The following ACE variants were observed in gnomAD, a reference collection of about 807,000 sequenced individuals.
ACE encodes the protein angiotensin-converting enzyme.
ACE carries 122 observed loss-of-function variants against 162.3 expected under a neutral mutation model. The ratio of observed to expected loss-of-function variants is 0.75; its 90% confidence interval spans 0.65 to 0.87. ACE has a LOEUF of 0.87. ACE is among the 40% of genes least tolerant of loss of function. ACE has a pLI of 0.00. For synonymous variants in ACE, 796 were observed against 720.6 expected (o/e 1.10, Z -1.68); for missense variants, 1,799 against 1,735.1 (o/e 1.04, Z -0.65).
intron 1 of ACE, chr17:63,477,613 C>A (rs1333245777): frequency 7.5e-6 from 3 of 397,640 alleles, no homozygotes; most frequent in Non-Finnish European, 1.3e-5. Flanking sequence ...CTGGGGCCCC[C>A]GCGCTCTCGG....
Position 63,497,187 on chromosome 17 carries a change from C to G in ACE, c.3742C>G (p.Leu1248Val). 6.2e-7 allele frequency: 1 copy of G among 1,604,092 alleles called. No individual in the cohort carries two copies. The highest frequency in any genetic ancestry group is 8.5e-7 in the Non-Finnish European group (1 of 1,179,126). The part of the protein sequence containing the change: ...PDSGRVSFLG[L>V]DLDAQQARVG... Reference sequence around the variant, plus strand: ...CAGCGGCCGCGTCAGCTTCCTGGGCCTGGACCTGGATGCGCAGCAGGCCCG... The same window carrying G: ...CAGCGGCCGCGTCAGCTTCCTGGGCGTGGACCTGGATGCGCAGCAGGCCCG... The change falls in exon 25 of 25, where the codon CTG (leucine) becomes GTG (valine). Residue 1248 changes from leucine to valine, a missense_variant. Physicochemically the swap from Leu to Val is conservative, Grantham distance 32 (BLOSUM62 1). Coordinates refer to ENST00000290866, the MANE Select transcript of ACE (RefSeq NM_000789.4).
rs1740970700 is a variant in ACE at position 63,493,552 on chromosome 17, C to G, written c.3029C>G (p.Ala1010Gly). 1.2e-6 allele frequency: 2 copies of G among 1,614,002 alleles called. No individual in the cohort carries two copies. The highest frequency in any genetic ancestry group is 1.7e-6 in the Non-Finnish European group (2 of 1,180,054). The change falls in exon 20 of 25, where the codon GCC (alanine) becomes GGC (glycine). Residue 1010 changes from alanine (A) to glycine (G), a missense_variant. Physicochemically the swap from Ala to Gly is moderately conservative, Grantham distance 60. Transcript: ENST00000290866. ...TTACCTGTGGCCTTGAGGGAGGGTG[C>G]CAACCCCGGCTTCCATGAGGCCATT... ...KDLPVALREG[A>G]NPGFHEAIGD...
Position 63,497,188 on chromosome 17 carries a change from T to TGGAC in ACE, c.3744_3747dup (p.Leu1250GlyfsTer61). On this transcript the variant is annotated frameshift_variant, in exon 25 of 25. Transcript: ENST00000290866. LOFTEE classifies it high-confidence loss of function. ...AGCGGCCGCGTCAGCTTCCTGGGCC[T>TGGAC]GGACCTGGATGCGCAGCAGGCCCGC... is the stretch of plus-strand genomic sequence containing the variant. 6.2e-7 allele frequency: 1 copy of TGGAC among 1,603,734 alleles called. No individual in the cohort carries two copies. Among genetic ancestry groups the TGGAC allele is most frequent in the Non-Finnish European group, 8.5e-7 (1 of 1,179,002 alleles).
At position 63,484,675 on chromosome 17, in the gene ACE, C is replaced by A. The variant is rs1017905179; in HGVS notation, c.1921+134C>A. On this transcript the variant is annotated intron_variant, in intron 12 of 24. Coordinates refer to ENST00000290866, the MANE Select transcript of ACE (RefSeq NM_000789.4). This position sits in a 1 kb window ranked among gnomAD's most constrained non-coding sequence, Gnocchi z 4.0. ...TGTCCTGGAGGGCCAGGCAGCCCCC[C>A]AAGCTCATCAGCAGGGCCTGCGAGT... The A allele has an allele frequency of 1.5e-5, 22 of 1,445,532 alleles. No homozygotes were observed. In the African/African-American group the frequency reaches 2.8e-4, roughly 19 times the overall value. The allele number at this position is 1,445,532 out of a possible 1,614,324, so 89.5% of individuals were successfully genotyped here.
rs185115105 is a variant in ACE, at chr17:63,483,034, G to A, written c.1348G>A (p.Asp450Asn). The change falls in exon 9 of 25, where the codon GAC becomes AAC. Residue 450 changes from aspartate (D) to asparagine (N), a missense_variant. Coordinates refer to ENST00000290866, the MANE Select transcript of ACE (RefSeq NM_000789.4). ...LDRVTNDTES[D>N]INYLLKMALE... ...TTCATCTCATCTCCCAACAGAAAGT[G>A]ACATCAATTACTTGCTAAAAATGGC... 6.2e-7 allele frequency: 1 copy of A among 1,614,122 alleles called. No individual in the cohort carries two copies. The highest frequency in any genetic ancestry group is 1.1e-5 in the South Asian group (1 of 91,080).
rs1051245483 is a variant in ACE at position 63,482,659 on chromosome 17, G to A, written c.1312G>A (p.Gly438Ser). 15 of 1,613,752 alleles carry A rather than the reference G, an allele frequency of 9.3e-6. No homozygotes were observed. Among genetic ancestry groups the A allele is most frequent in the African/African-American group, 4.0e-5 (3 of 74,916 alleles). ...CACTCCTGAACATCTGCACAAAATC[G>A]GCCTGCTGGACCGTGTCACCAATGA... ...VSTPEHLHKI[G>S]LLDRVTNDTE... The change falls in exon 8 of 25, where the codon GGC becomes AGC. Residue 438 changes from glycine (G) to serine (S), a missense_variant. Gly to Ser is a moderately conservative substitution (Grantham distance 56). Coordinates refer to ENST00000290866, the MANE Select transcript of ACE (RefSeq NM_000789.4).
intron 17 of ACE, 199 bp from the exon 18 acceptor site, chr17:63,490,755 G>C (rs2030315730): frequency 1.6e-6 from 1 of 618,840 alleles, no homozygotes; most frequent in African/African-American, 1.8e-5. Flanking sequence ...CCCACCTAGA[G>C]CCAGGCAGTA....
intron 22 of ACE, among the ~76,000 whole-genome samples, chr17:63,495,150 C>A (rs1179786176): frequency 6.6e-6 from 1 of 152,216 alleles, no homozygotes; most frequent in Non-Finnish European, 1.5e-5. Context: ...CTATTCATCA[C>A]TCTCTAGTGG....
chr17:63,479,744 C>A, intron 3 of ACE, 25 bp from the exon 4 acceptor site: 1 of 1,612,576 alleles, frequency 6.2e-7, no homozygotes, highest in Admixed American at 1.7e-5. Flanking sequence ...GGCCTCCTCA[C>A]CGACCCTGCC....
At chr17:63,490,867 A>T in intron 17 of ACE, 87 bp from the exon 18 acceptor site, 1 of 1,229,150 alleles carries the variant, frequency 8.1e-7, no homozygotes, top group East Asian at 2.3e-5. Context: ...CAGGACTGGG[A>T]TCTGGAGCGC....
rs1290778035 is a variant in ACE at position 63,489,055 on chromosome 17, A to G, written c.2564A>G (p.Tyr855Cys). 6 of 1,613,974 alleles carry G rather than the reference A, an allele frequency of 3.7e-6. No homozygotes were observed. Among genetic ancestry groups the G allele is most frequent in the Admixed American group, 1.7e-5 (1 of 60,008 alleles). The change falls in exon 17 of 25, where the codon TAC (tyrosine) becomes TGC (cysteine). Residue 855 changes from tyrosine (Y) to cysteine (C), a missense_variant. Tyr to Cys is a radical substitution (Grantham distance 194). Transcript: ENST00000290866. ...LQPLYLNLHA[Y>C]VRRALHRHYG... ...CCACTCTACCTCAACCTGCATGCCT[A>G]CGTGCGCCGGGCCCTGCACCGTCAC...
chr17:63,482,432 C>T (rs72845022), intron 7 of ACE, 34 bp from the exon 8 acceptor site: 41 of 1,596,872 alleles, frequency 2.6e-5, no homozygotes, highest in East Asian at 9.0e-5. Flanking sequence ...TCTGTCCATC[C>T]GTCACTCTCA....
rs569139549 is a variant in ACE, at chr17:63,486,871, G to A, written c.2218-115G>A. The A allele has an allele frequency of 2.7e-4, 391 of 1,439,400 alleles. 1 individual carries two copies. Among genetic ancestry groups the A allele is most frequent in the South Asian group, 2.3e-3 (201 of 86,788 alleles). 89.2% of individuals were successfully genotyped at this position (1,439,400 alleles called of 1,614,324 possible). On this transcript the variant is annotated intron_variant, in intron 14 of 24. Transcript: ENST00000290866. ...ACCTCAGAACTGCTGAGAGGGCAGC[G>A]CTCCCCAGCTCCCTGGCTCCCCACC...
chr17:63,479,366 G>C (rs2049670316), intron 3 of ACE, among the ~76,000 whole-genome samples: 1 of 152,132 alleles, frequency 6.6e-6, no homozygotes, highest in Non-Finnish European at 1.5e-5. Flanking sequence ...CTGGCTGCCT[G>C]GTTTCCCCTT....
chr17:63,482,138 A>G (rs913172871), intron 7 of ACE, among the ~76,000 whole-genome samples: 56 of 152,050 alleles, frequency 3.7e-4, no homozygotes, highest in African/African-American at 1.0e-3. Context: ...CTCTACTAAA[A>G]ATACAAAAAT....
intron 22 of ACE, chr17:63,496,193 C>T (rs755740374): frequency 1.4e-6 from 1 of 709,960 alleles, no homozygotes; most frequent in Non-Finnish European, 2.4e-6. Flanking sequence ...ACAGGCACGG[C>T]TAGGAAGAGG....
At position 63,477,857 on chromosome 17, in the gene ACE, C is replaced by A. The variant is rs754637880; in HGVS notation, c.250-74C>A. The A allele has an allele frequency of 2.7e-5, 42 of 1,540,306 alleles. No homozygotes were observed. The South Asian group carries it at 3.3e-4, about 12-fold the overall frequency. ...CCTTGGCCTTCCTCCCCTCCCCCAGCACCGTGGCTTCTCCTTTATGGCCTG... is the reference window on the plus strand; with the variant it reads ...CCTTGGCCTTCCTCCCCTCCCCCAGAACCGTGGCTTCTCCTTTATGGCCTG... On this transcript the variant is annotated intron_variant, in intron 1 of 24. Coordinates refer to ENST00000290866, the MANE Select transcript of ACE (RefSeq NM_000789.4).
Position 63,477,361 on chromosome 17 carries a change from G to T in ACE, c.249+18G>T. 8.0e-7 allele frequency: 1 copy of T among 1,252,854 alleles called. No individual in the cohort carries two copies. The highest frequency in any genetic ancestry group is 1.0e-6 in the Non-Finnish European group (1 of 993,140). 77.6% of individuals were successfully genotyped at this position (1,252,854 alleles called of 1,614,324 possible). A position where few individuals can be genotyped will look rare whatever the true frequency, so the allele number is the denominator to read the frequency against. On this transcript the variant is annotated intron_variant, in intron 1 of 24. Transcript: ENST00000290866. ...GGCGCCAGGTGGGCGCCCGGGCCCG[G>T]GCGGGGGCGGGGCGGGGCCGCGGCG...
At chr17:63,481,872 C>T (rs926381017) in intron 7 of ACE, 134 bp downstream of exon 7, 3 of 1,176,274 alleles carry the variant, frequency 2.6e-6, no homozygotes, top group Non-Finnish European at 3.7e-6. Flanking sequence ...GAGGCTGGGT[C>T]TGTTCCAGGG....
Sources: allele counts gnomAD v4.1 joint callset (sites outside exome capture counted in the v4.1 genomes callset), GRCh38; gene constraint gnomAD v4.1.1; non-coding constraint Gnocchi (gnomAD v3.1); transcripts MANE v1.5; gene names NCBI Gene and HGNC (gene_info 2026-07-23, HGNC 2026-07-21).